DRD2: variants seen among roughly 807,000 people sequenced by gnomAD.
DRD2 encodes D(2) dopamine receptor.
Under a neutral mutation model 38.0 loss-of-function variants are expected in DRD2, and 8 were observed. That is an observed-to-expected ratio of 0.21 (90% CI 0.12 to 0.38). The LOEUF (loss-of-function observed/expected upper bound fraction) is 0.38. Among genes scored for constraint, DRD2 ranks in the 10% least tolerant of loss-of-function variants. DRD2 has a pLI of 1.00. For synonymous variants in DRD2, 230 were observed against 238.6 expected, an observed-to-expected ratio of 0.96 and a Z score of 0.33; for missense variants, 403 against 607.7, an observed-to-expected ratio of 0.66 and a Z score of 3.54.
chr11:113,460,408 C>A (rs969991977), intron 1 of DRD2, among the ~76,000 whole-genome samples: 4 of 152,254 alleles, frequency 2.6e-5, no homozygotes, highest in Non-Finnish European at 5.9e-5. Context: ...CTGCCTCAAG[C>A]TGGACTGGCT....
chr11:113,454,804 G>C (rs910708364), intron 1 of DRD2, among the ~76,000 whole-genome samples: 2 of 152,148 alleles, frequency 1.3e-5, no homozygotes, highest in African/African-American at 4.8e-5. Context: ...AATGGAATCA[G>C]ATAGAGATCC....
At chr11:113,418,265 G>A in intron 2 of DRD2, 129 bp from the exon 3 acceptor site, 1 of 762,182 alleles carries the variant, frequency 1.3e-6, no homozygotes, top group South Asian at 1.5e-5. Flanking sequence ...TGGGCATCCA[G>A]CTGGGGTGTG....
In DRD2 at chr11:113,417,018, C is replaced by T. The variant is rs764225494; in HGVS notation, c.396-19G>A. The T allele has an allele frequency of 1.2e-6, 2 of 1,612,832 alleles. No individual in the cohort carries two copies. The highest frequency in any genetic ancestry group is 1.7e-6 in the Non-Finnish European group (2 of 1,179,304). On this transcript the variant is annotated intron_variant, in intron 3 of 7. Coordinates refer to ENST00000362072, the MANE Select transcript of DRD2 (RefSeq NM_000795.4). The stretch of plus-strand genomic sequence containing the variant: ...TGTGTACCTGCAAGGGCGGGGGACC[C>T]TGAATCTGGGGTGCAGGCCCAGGGA...
chr11:113,413,276 G>T, intron 6 of DRD2: 1 of 564,004 alleles, frequency 1.8e-6, no homozygotes, highest in South Asian at 1.4e-5. Context: ...TGCAAAGAGG[G>T]TGCCCACCCC....
chr11:113,449,077 C>A (rs187002323), intron 1 of DRD2, among the ~76,000 whole-genome samples: 16 of 152,294 alleles, frequency 1.1e-4, no homozygotes, highest in Non-Finnish European at 1.9e-4. Flanking sequence ...ACATTACCTG[C>A]TGGCCCCTCC....
chr11:113,415,804 C>T (rs780783602), intron 4 of DRD2, among the ~76,000 whole-genome samples, 193 bp from the exon 5 acceptor site: 4 of 152,140 alleles, frequency 2.6e-5, no homozygotes, highest in African/African-American at 4.8e-5. Context: ...ATTAAAAACA[C>T]GGTTGTGAGC....
chr11:113,449,463 G>A (rs995206853), intron 1 of DRD2, among the ~76,000 whole-genome samples: 12 of 152,094 alleles, frequency 7.9e-5, no homozygotes, highest in Non-Finnish European at 1.3e-4. Flanking sequence ...TCAAGCACCT[G>A]TGCTACACAA....
At chr11:113,433,310 T>C (rs1951006027) in intron 1 of DRD2, among the ~76,000 whole-genome samples, 1 of 151,960 alleles carries the variant, frequency 6.6e-6, no homozygotes, top group Non-Finnish European at 1.5e-5. Flanking sequence ...GAAATGCAGA[T>C]TGCTCTTTCC....
Position 113,412,937 on chromosome 11 carries a change from G to A in DRD2, c.811-54C>T, listed in dbSNP as rs559038664. ...AAGCCGGACAAGTTCCCAGGCATCA[G>A]CCACCCATCTCACTGGCCCCTCCCT... On this transcript the variant is annotated intron_variant, in intron 6 of 7. Transcript: ENST00000362072. The A allele has an allele frequency of 1.8e-5, 28 of 1,553,010 alleles. 1 individual carries two copies. The Admixed American group carries it at 3.9e-4, about 22-fold the overall frequency.
At chr11:113,467,621 T>G (rs1356527911) in intron 1 of DRD2, among the ~76,000 whole-genome samples, 1 of 152,230 alleles carries the variant, frequency 6.6e-6, no homozygotes, top group Admixed American at 6.5e-5. Context: ...TAATAAAAAC[T>G]GGCCTGTGCC....
Position 113,414,379 on chromosome 11 carries a change from C to T in DRD2, c.806G>A (p.Arg269Lys), listed in dbSNP as rs146652676. 8.7e-6 allele frequency: 14 copies of T among 1,613,986 alleles called. No homozygotes were observed. The African/African-American group carries it at 1.9e-4, about 22-fold the overall frequency. The change falls in exon 6 of 8, where the codon AGA (arginine) becomes AAA (lysine). Residue 269 changes from arginine (R) to lysine (K), a missense_variant. Around this residue, in one of 4 missense-constraint regions of DRD2, gnomAD observed 166 missense variants for 178.6 expected, o/e 0.93. Coordinates refer to ENST00000362072, the MANE Select transcript of DRD2 (RefSeq NM_000795.4). ...GTCCCTGGCCTGAGCACTTACCACT[C>T]TCCGCCTGTTCACTGGGAAACTCCC... ...SNGSFPVNRR[R>K]VEAARRAQEL...
intron 1 of DRD2, among the ~76,000 whole-genome samples, chr11:113,438,838 T>G (rs1407215631): frequency 1.3e-5 from 2 of 152,230 alleles, no homozygotes; most frequent in Admixed American, 6.5e-5. Context: ...TGGCAGACTC[T>G]ATCAGGTATC....
At chr11:113,420,655 A>T (rs1333963742) in intron 2 of DRD2, among the ~76,000 whole-genome samples, 1 of 152,228 alleles carries the variant, frequency 6.6e-6, no homozygotes, top group East Asian at 1.9e-4. Context: ...ATCACATCCC[A>T]TGCTCTCTAC....
chr11:113,469,654 A>C (rs535390360), intron 1 of DRD2, among the ~76,000 whole-genome samples: 1 of 152,196 alleles, frequency 6.6e-6, no homozygotes, highest in Non-Finnish European at 1.5e-5. Flanking sequence ...TGGACAACAA[A>C]GCAAGGCCCT....
chr11:113,460,279 C>A (rs868403657), intron 1 of DRD2, among the ~76,000 whole-genome samples: 37 of 152,368 alleles, frequency 2.4e-4, no homozygotes, highest in African/African-American at 8.7e-4. Context: ...TCACCCCCAG[C>A]CCCAGCAGCA....
At chr11:113,460,041 T>C (rs1591301299) in intron 1 of DRD2, among the ~76,000 whole-genome samples, 1 of 152,268 alleles carries the variant, frequency 6.6e-6, no homozygotes, top group Non-Finnish European at 1.5e-5. Flanking sequence ...AGCTCTACTT[T>C]GCATTTCTTT....
At chr11:113,436,378 T>C (rs987781428) in intron 1 of DRD2, among the ~76,000 whole-genome samples, 8 of 152,202 alleles carry the variant, frequency 5.3e-5, no homozygotes, top group Non-Finnish European at 1.2e-4. Flanking sequence ...TTTAAAGCCA[T>C]CTTCACCAAT....
rs199542111 is a variant in DRD2 at position 113,410,707 on chromosome 11, T to C, written c.*20A>G. 8.1e-6 allele frequency: 13 copies of C among 1,613,868 alleles called. No homozygotes were observed. The highest frequency in any genetic ancestry group is 9.3e-6 in the Non-Finnish European group (11 of 1,179,982). On this transcript the variant is annotated 3_prime_UTR_variant, in exon 8 of 8. Coordinates refer to ENST00000362072, the MANE Select transcript of DRD2 (RefSeq NM_000795.4). Reference sequence around the variant, plus strand: ...GGCAGGGAGGTGGGAAGCAGGCTGCTGTGCGGGCAGGCAGCAGAGTCAGCA... The same window carrying C: ...GGCAGGGAGGTGGGAAGCAGGCTGCCGTGCGGGCAGGCAGCAGAGTCAGCA...
chr11:113,415,751 T>A, intron 4 of DRD2, 140 bp from the exon 5 acceptor site: 1 of 950,016 alleles, frequency 1.1e-6, no homozygotes, highest in Non-Finnish European at 1.6e-6. Flanking sequence ...TAAGGCTGCC[T>A]GGTCATCTTA....
Sources: allele counts gnomAD v4.1 joint callset (sites outside exome capture counted in the v4.1 genomes callset), GRCh38; gene constraint gnomAD v4.1.1; regional missense constraint gnomAD v4.1.1; transcripts MANE v1.5; gene names NCBI Gene and HGNC (gene_info 2026-07-23, HGNC 2026-07-21).